PRKG1: variants seen among roughly 807,000 people sequenced by gnomAD.
PRKG1 encodes cGMP-dependent protein kinase 1.
Under a neutral mutation model 88.1 loss-of-function variants are expected in PRKG1, and 35 were observed. The ratio of observed to expected loss-of-function variants is 0.40; its 90% confidence interval spans 0.30 to 0.53. PRKG1 has a LOEUF of 0.53. PRKG1 is among the 20% of genes least tolerant of loss of function. PRKG1 has a pLI of 0.59. For missense variants in PRKG1, 540 were observed against 839.8 expected (o/e 0.64, Z 4.41); for synonymous variants, 303 against 292.5 (o/e 1.04, Z -0.37).
intron 2 of PRKG1, among the ~76,000 whole-genome samples, chr10:51,382,549 G>T (rs530700478): frequency 1.3e-5 from 2 of 152,150 alleles, no homozygotes; most frequent in South Asian, 4.1e-4. Context: ...ATTGTAAGAT[G>T]CATACTTCTT....
intron 3 of PRKG1, among the ~76,000 whole-genome samples, chr10:51,662,894 G>A (rs1193950269): frequency 6.6e-6 from 1 of 152,078 alleles, no homozygotes; most frequent in East Asian, 1.9e-4. Flanking sequence ...TAAGTGTGGA[G>A]TGTATTGGGT....
intron 3 of PRKG1, among the ~76,000 whole-genome samples, chr10:51,800,045 G>A (rs938541790): frequency 6.6e-6 from 1 of 152,030 alleles, no homozygotes; most frequent in African/African-American, 2.4e-5. Flanking sequence ...AGTGATGAAT[G>A]TAAATTATAT....
intron 3 of PRKG1, among the ~76,000 whole-genome samples, chr10:51,692,484 C>T (rs918689777): frequency 2.0e-5 from 3 of 152,092 alleles, no homozygotes; most frequent in African/African-American, 7.2e-5. Context: ...ACCATGTGAT[C>T]TGCCCACCTC....
At chr10:51,438,302 A>G (rs1444548253) in intron 2 of PRKG1, among the ~76,000 whole-genome samples, 1 of 151,976 alleles carries the variant, frequency 6.6e-6, no homozygotes, top group Non-Finnish European at 1.5e-5. Context: ...TTAACAAACC[A>G]ATATTGATAC....
intron 3 of PRKG1, among the ~76,000 whole-genome samples, chr10:51,576,389 C>T (rs1837887410): frequency 6.6e-6 from 1 of 151,854 alleles, no homozygotes; most frequent in African/African-American, 2.4e-5. Flanking sequence ...GGGCTTTCTC[C>T]TCTATATAAA....
intron 1 of PRKG1, among the ~76,000 whole-genome samples, chr10:51,133,962 T>C (rs1845632553): frequency 6.6e-6 from 1 of 152,174 alleles, no homozygotes; most frequent in Admixed American, 6.5e-5. Context: ...ATAATAAAAC[T>C]ATGTCTTTTA....
intron 2 of PRKG1, among the ~76,000 whole-genome samples, chr10:51,349,807 A>G (rs1327170070): frequency 1.3e-5 from 2 of 152,024 alleles, no homozygotes; most frequent in Non-Finnish European, 2.9e-5. Context: ...TACAGATACC[A>G]TGTATGTGTA....
intron 7 of PRKG1, among the ~76,000 whole-genome samples, chr10:52,097,126 A>G (rs1452111763): frequency 6.6e-6 from 1 of 152,206 alleles, no homozygotes; most frequent in Non-Finnish European, 1.5e-5. Context: ...CTTAAGATAC[A>G]GAATTGAAAT....
At chr10:51,473,862 T>C (rs2132828510) in intron 3 of PRKG1, among the ~76,000 whole-genome samples, 1 of 151,948 alleles carries the variant, frequency 6.6e-6, no homozygotes, top group African/African-American at 2.4e-5. Flanking sequence ...CTTGAGTCAG[T>C]TTTTGGTGTA....
In PRKG1 at chr10:52,062,909, T is replaced by C. The variant is rs1846271226; in HGVS notation, c.935+278T>C. The C allele has an allele frequency of 7.5e-6, 5 of 664,016 alleles. 1 individual carries two copies. In the East Asian group the frequency reaches 1.4e-4, roughly 18 times the overall value. The allele number at this position is 664,016 out of a possible 1,614,324, so 41.1% of individuals were successfully genotyped here. A position where few individuals can be genotyped will look rare whatever the true frequency, so the allele number is the denominator to read the frequency against. On this transcript the variant is annotated intron_variant, in intron 7 of 17. Coordinates refer to ENST00000373980, the MANE Select transcript of PRKG1 (RefSeq NM_006258.4). ...CCTTAATTGCAATCTCTATAACAAC[T>C]TCAAAGAGAGGAATTCCCTGCTAAA...
intron 3 of PRKG1, among the ~76,000 whole-genome samples, chr10:51,729,605 G>A (rs1219200866): frequency 6.7e-6 from 1 of 149,790 alleles, no homozygotes; most frequent in African/African-American, 2.5e-5. Context: ...TGCTCAGGAG[G>A]CTGAGGCAGG....
intron 3 of PRKG1, among the ~76,000 whole-genome samples, chr10:51,471,572 C>T (rs1840050636): frequency 6.6e-6 from 1 of 151,768 alleles, no homozygotes; most frequent in South Asian, 2.1e-4. Flanking sequence ...CTTCTGTGCC[C>T]AAAGTTCTTC....
At chr10:51,935,418 C>G (rs1045996508) in intron 5 of PRKG1, among the ~76,000 whole-genome samples, 14 of 152,088 alleles carry the variant, frequency 9.2e-5, no homozygotes, top group African/African-American at 3.1e-4. Flanking sequence ...AGAGGCGATT[C>G]AATTCGGTAA....
chr10:51,174,779 G>A (rs1837146322), intron 2 of PRKG1, among the ~76,000 whole-genome samples: 1 of 151,970 alleles, frequency 6.6e-6, no homozygotes, highest in African/African-American at 2.4e-5. Context: ...CCATCAGACA[G>A]TTTATTGATT....
intron 5 of PRKG1, among the ~76,000 whole-genome samples, chr10:51,936,199 C>A (rs189838022): frequency 8.6e-5 from 13 of 152,036 alleles, no homozygotes; most frequent in Admixed American, 7.2e-4. Context: ...TTAGGTGCCT[C>A]TTTCCATGTG....
rs1214177233 is a variant in PRKG1 at position 51,307,444 on chromosome 10, ACT to A, written c.478+154117_478+154118del. ...TTTTCCAGAACGTTTGCTACTAAAC[ACT>A]CTGTTTTATTGACTCTCCTTTGCTT... On this transcript the variant is annotated intron_variant, in intron 2 of 17. Coordinates refer to ENST00000373980, the MANE Select transcript of PRKG1 (RefSeq NM_006258.4). Among the ~76,000 whole-genome samples, 6 of 152,196 alleles carry A rather than the reference ACT, an allele frequency of 3.9e-5. No individual in the cohort carries two copies. The South Asian group carries it at 1.0e-3, about 26-fold the overall frequency.
intron 2 of PRKG1, among the ~76,000 whole-genome samples, chr10:51,306,205 A>G (rs1589339255): frequency 6.6e-6 from 1 of 152,170 alleles, no homozygotes; most frequent in East Asian, 1.9e-4. Flanking sequence ...TACACTGGAT[A>G]GGCTTGAGAG....
At chr10:51,849,533 C>CT (rs1029948898) in intron 4 of PRKG1, among the ~76,000 whole-genome samples, 4 of 152,044 alleles carry the variant, frequency 2.6e-5, no homozygotes, top group South Asian at 2.1e-4. Flanking sequence ...TCCATTTGCA[C>CT]TTTTTTTCTG....
At chr10:52,153,769 G>A (rs1838006708) in intron 8 of PRKG1, among the ~76,000 whole-genome samples, 1 of 152,018 alleles carries the variant, frequency 6.6e-6, no homozygotes, top group African/African-American at 2.4e-5. Flanking sequence ...TTTTGAGATG[G>A]AGTTTCGCTC....
Sources: gnomAD v4.1 joint callset for allele counts (sites outside exome capture counted in the v4.1 genomes callset) on GRCh38, gnomAD v4.1.1 for gene constraint, MANE v1.5 for transcripts, NCBI Gene and HGNC (gene_info 2026-07-23, HGNC 2026-07-21) for gene names.